ADCY2: variants seen among roughly 807,000 people sequenced by gnomAD.
ADCY2 encodes adenylate cyclase type 2.
ADCY2 carries 31 observed loss-of-function variants against 125.2 expected under a neutral mutation model. The observed-to-expected ratio is 0.25, with a 90% CI of 0.19 to 0.33. ADCY2 has a LOEUF of 0.33. ADCY2 is among the 10% of genes least tolerant of loss of function. The pLI is 1.00. For missense variants in ADCY2, 904 were observed against 1,418.2 expected (o/e 0.64, Z 5.82); for synonymous variants, 512 against 548.4 (o/e 0.93, Z 0.93).
At chr5:7,496,324 T>C (rs932150716) in intron 2 of ADCY2, among the ~76,000 whole-genome samples, 17 of 152,104 alleles carry the variant, frequency 1.1e-4, no homozygotes, top group African/African-American at 3.9e-4. Context: ...GAATGTAACA[T>C]TGGAGGAATT....
intron 2 of ADCY2, among the ~76,000 whole-genome samples, chr5:7,496,894 A>G (rs1473657827): frequency 6.6e-6 from 1 of 152,196 alleles, no homozygotes; most frequent in Non-Finnish European, 1.5e-5. Flanking sequence ...AGGAATAAAC[A>G]TAAGCAATGG....
At chr5:7,748,808 A>G (rs1742715265) in intron 15 of ADCY2, among the ~76,000 whole-genome samples, 2 of 152,210 alleles carry the variant, frequency 1.3e-5, no homozygotes, top group Non-Finnish European at 2.9e-5. Context: ...CTAGGCACTT[A>G]GCTTCTACTG....
At chr5:7,664,117 T>C (rs1379205957) in intron 4 of ADCY2, among the ~76,000 whole-genome samples, 3 of 152,194 alleles carry the variant, frequency 2.0e-5, no homozygotes, top group Non-Finnish European at 4.4e-5. Flanking sequence ...AGTTTCTGTT[T>C]ATAGAAACCA....
At chr5:7,397,642 C>T (rs568740990) in intron 1 of ADCY2, among the ~76,000 whole-genome samples, 1 of 152,026 alleles carries the variant, frequency 6.6e-6, no homozygotes, top group East Asian at 1.9e-4. Context: ...TTTAGGATGT[C>T]CGGAGCCAGA....
At chr5:7,723,920 C>CAAAAAAAAAAAAAAAAAAAAAAAAA (rs70940756) in intron 12 of ADCY2, among the ~76,000 whole-genome samples, 3 of 53,724 alleles carry the variant, frequency 5.6e-5, no homozygotes, top group African/African-American at 2.0e-4. Flanking sequence ...GACTCAGTCT[C>CAAAAAAAAAAAAAAAAAAAAAAAAA]AAAAAAAAAA....
At chr5:7,635,209 C>T (rs1034194648) in intron 4 of ADCY2, among the ~76,000 whole-genome samples, 12 of 152,182 alleles carry the variant, frequency 7.9e-5, no homozygotes, top group East Asian at 3.9e-4. Context: ...AAGATAGCAA[C>T]GTAAACTGAT....
intron 2 of ADCY2, among the ~76,000 whole-genome samples, chr5:7,458,944 G>A (rs117840495): frequency 0.015 from 2,213 of 152,226 alleles, 98 homozygotes; most frequent in Admixed American, 0.092. Flanking sequence ...ACTTTGGGTG[G>A]CGTATCAAGT....
At chr5:7,589,550 G>T (rs1334999589) in intron 3 of ADCY2, among the ~76,000 whole-genome samples, 2 of 142,066 alleles carry the variant, frequency 1.4e-5, no homozygotes, top group Admixed American at 7.0e-5. Flanking sequence ...AGGGAGGGAA[G>T]GAGGAAGGAA....
intron 2 of ADCY2, among the ~76,000 whole-genome samples, chr5:7,457,849 C>T: frequency 6.6e-6 from 1 of 152,168 alleles, no homozygotes; most frequent in African/African-American, 2.4e-5. Context: ...CCACGTCGTC[C>T]TGTTATCAGT....
chr5:7,425,363 C>A (rs1740350269), intron 2 of ADCY2, among the ~76,000 whole-genome samples: 1 of 152,226 alleles, frequency 6.6e-6, no homozygotes, highest in South Asian at 2.1e-4. Context: ...GGAATTCCAA[C>A]TACTCGAGCA....
At chr5:7,740,643 T>C (rs1161463582) in intron 14 of ADCY2, among the ~76,000 whole-genome samples, 1 of 152,078 alleles carries the variant, frequency 6.6e-6, no homozygotes, top group African/African-American at 2.4e-5. Context: ...CAAATGAAAT[T>C]AGAAATAACA....
At chr5:7,556,352 G>A (rs1432525216) in intron 3 of ADCY2, among the ~76,000 whole-genome samples, 2 of 152,102 alleles carry the variant, frequency 1.3e-5, no homozygotes, top group Non-Finnish European at 2.9e-5. Flanking sequence ...TGAGACTTAT[G>A]TTCTAGAAAA....
chr5:7,802,066 C>G lies in ADCY2; in HGVS notation c.2629-152C>G, dbSNP rs1420759945. The G allele has an allele frequency of 2.6e-6, 2 of 759,624 alleles. No homozygotes were observed. The highest frequency in any genetic ancestry group is 4.2e-6 in the Non-Finnish European group (2 of 481,110). 47.1% of individuals were successfully genotyped at this position (759,624 alleles called of 1,614,324 possible). On this transcript the variant is annotated intron_variant, in intron 20 of 24. Coordinates refer to ENST00000338316, the MANE Select transcript of ADCY2 (RefSeq NM_020546.3). The surrounding 1 kb of genome is among the most constrained non-coding windows in gnomAD (Gnocchi z 4.6). ...TTTCCCCTGAGAGCAGCGGCAGCAT[C>G]TGGATTGGGCCGCGGCTGGGGTGGG...
intron 3 of ADCY2, among the ~76,000 whole-genome samples, chr5:7,540,185 G>A (rs750408327): frequency 6.6e-6 from 1 of 152,142 alleles, no homozygotes. Context: ...CTCAGAGGGT[G>A]GAGGTTGAGA....
At chr5:7,624,804 C>T (rs893789202) in intron 3 of ADCY2, among the ~76,000 whole-genome samples, 14 of 151,950 alleles carry the variant, frequency 9.2e-5, no homozygotes, top group Admixed American at 2.6e-4. Context: ...ATAGGATATT[C>T]GGAACTGATG....
At chr5:7,662,763 G>A (rs1230785516) in intron 4 of ADCY2, among the ~76,000 whole-genome samples, 3 of 152,164 alleles carry the variant, frequency 2.0e-5, no homozygotes, top group African/African-American at 4.8e-5. Flanking sequence ...GTCAGCCTGC[G>A]TAAAGAATCT....
At chr5:7,797,154 TG>T (rs1286397188) in intron 20 of ADCY2, 3 of 152,234 alleles carry the variant, frequency 2.0e-5, no homozygotes, top group African/African-American at 7.2e-5. Context: ...AGCATGCCCT[TG>T]GGGTTTCAAT....
Position 7,409,721 on chromosome 5 carries a change from T to C in ADCY2, c.211-4852T>C, listed in dbSNP as rs548268108. Among the ~76,000 whole-genome samples the C allele has an allele frequency of 7.9e-5, 12 of 152,356 alleles. No homozygotes were observed. In the South Asian group the frequency reaches 2.5e-3, roughly 32 times the overall value. ...TCAAATCCTTTAACATCTTTTCTTG[T>C]TTGCATTTTTATTTTATTTGCTTGG... is the stretch of plus-strand genomic sequence containing the variant. On this transcript the variant is annotated intron_variant, in intron 1 of 24. Transcript: ENST00000338316.
chr5:7,451,117 T>C (rs1048730425), intron 2 of ADCY2, among the ~76,000 whole-genome samples: 1 of 152,234 alleles, frequency 6.6e-6, no homozygotes, highest in African/African-American at 2.4e-5. Context: ...AATCAAGGTG[T>C]AATTTCAACT....
Sources: allele counts gnomAD v4.1 joint callset (sites outside exome capture counted in the v4.1 genomes callset), GRCh38; gene constraint gnomAD v4.1.1; non-coding constraint Gnocchi (gnomAD v3.1); transcripts MANE v1.5; gene names NCBI Gene and HGNC (gene_info 2026-07-23, HGNC 2026-07-21).